SH3RF1: variants seen among roughly 807,000 people sequenced by gnomAD.
SH3RF1 encodes SH3 domain containing ring finger 1.
SH3RF1 carries 32 observed loss-of-function variants against 74.0 expected under a neutral mutation model. The observed-to-expected ratio is 0.43, with a 90% CI of 0.33 to 0.58. The LOEUF is 0.58. SH3RF1 is among the 20% of genes least tolerant of loss of function. The pLI, the probability that SH3RF1 is intolerant of heterozygous loss-of-function variation, is 0.05. For synonymous variants in SH3RF1, 396 were observed against 439.6 expected (o/e 0.90, Z 1.24); for missense variants, 954 against 1,130.9 (o/e 0.84, Z 2.24).
Position 169,269,194 on chromosome 4 carries a change from A to G in SH3RF1, c.19T>C (p.Leu7=). The G allele has an allele frequency of 6.3e-7, 1 of 1,588,788 alleles. No individual in the cohort carries two copies. The highest frequency in any genetic ancestry group is 1.3e-5 in the African/African-American group (1 of 74,392). Residue 7 remains leucine, a synonymous_variant, in exon 2 of 12, where the codon TTG becomes CTG. Transcript: ENST00000284637. ...CACACCGGACACTCCAAAAGATCCA[A>G]CAAGGCTGATTCATCCATCTTTATC... MDESAL[L]DLLECPVCLE... is the part of the protein sequence containing the mutation.
rs1731339274 is a variant in SH3RF1 at position 169,265,568 on chromosome 4, G to A, written c.393+3252C>T. Among the ~76,000 whole-genome samples, 3 of 152,158 alleles carry A rather than the reference G, an allele frequency of 2.0e-5. No homozygotes were observed. The South Asian group carries it at 6.2e-4, about 31-fold the overall frequency. On this transcript the variant is annotated intron_variant, in intron 2 of 11. Transcript: ENST00000284637. Reference sequence around the variant, plus strand: ...AGCTCACTGTAAACTCTGCCTCCCAGGTTCAAGCGATTCTCCAGCCTTGGC... The same window carrying A: ...AGCTCACTGTAAACTCTGCCTCCCAAGTTCAAGCGATTCTCCAGCCTTGGC...
chr4:169,097,513 C>T (rs1228491891), intron 11 of SH3RF1, among the ~76,000 whole-genome samples: 1 of 152,198 alleles, frequency 6.6e-6, no homozygotes. Context: ...GTGCCCCTGC[C>T]TCCATGCTCC....
chr4:169,226,390 A>C (rs1427227617), intron 2 of SH3RF1, among the ~76,000 whole-genome samples: 1 of 152,210 alleles, frequency 6.6e-6, no homozygotes, highest in Admixed American at 6.5e-5. Flanking sequence ...CTACATATCA[A>C]GGTTTTCCTG....
rs1183782068 is a variant in SH3RF1 at position 169,269,020 on chromosome 4, T to C, written c.193A>G (p.Ser65Gly). 2 of 1,614,190 alleles carry C rather than the reference T, an allele frequency of 1.2e-6. No individual in the cohort carries two copies. Among genetic ancestry groups the C allele is most frequent in the Non-Finnish European group, 1.7e-6 (2 of 1,180,038 alleles). The change falls in exon 2 of 12, where the codon AGT (serine) becomes GGT (glycine). Residue 65 changes from serine to glycine, a missense_variant. By Grantham distance (56) the Ser-to-Gly change is moderately conservative (BLOSUM62 0). Transcript: ENST00000284637. ...AGAAGTCTGACCAGCAAGATGTTAC[T>C]GGGAAGCTCCTCGACACCCGAGCCA... ...LVGSGVEELP[S>G]NILLVRLLDG... is the part of the protein sequence containing the mutation.
At chr4:169,200,106 G>A (rs12510701) in intron 2 of SH3RF1, among the ~76,000 whole-genome samples, 71,274 of 151,838 alleles carry the variant, frequency 0.47, 17,991 homozygotes, top group East Asian at 0.78. Flanking sequence ...TAACAGGAAA[G>A]TATACTAATT....
chr4:169,140,390 C>A (rs1420178885), intron 4 of SH3RF1, among the ~76,000 whole-genome samples: 1 of 152,116 alleles, frequency 6.6e-6, no homozygotes, highest in East Asian at 1.9e-4. Context: ...AAATTTGTAT[C>A]CTAAAATACC....
At chr4:169,161,560 C>T (rs1384495441) in intron 2 of SH3RF1, among the ~76,000 whole-genome samples, 1 of 152,156 alleles carries the variant, frequency 6.6e-6, no homozygotes, top group Non-Finnish European at 1.5e-5. Context: ...ATTTTATAGA[C>T]TCTAAATGCC....
intron 10 of SH3RF1, among the ~76,000 whole-genome samples, chr4:169,114,466 A>G (rs2126941957): frequency 6.6e-6 from 1 of 152,320 alleles, no homozygotes; most frequent in Non-Finnish European, 1.5e-5. Context: ...CATGTAATGA[A>G]ACATCTTTAA....
At chr4:169,263,127 A>T (rs902756854) in intron 2 of SH3RF1, among the ~76,000 whole-genome samples, 4 of 152,176 alleles carry the variant, frequency 2.6e-5, no homozygotes, top group Non-Finnish European at 4.4e-5. Context: ...CCCCATCCCC[A>T]TCTGTGCGAA....
intron 4 of SH3RF1, 56 bp from the exon 5 acceptor site, chr4:169,136,676 C>T (rs1045225582): frequency 3.5e-6 from 5 of 1,446,126 alleles, no homozygotes; most frequent in Admixed American, 5.3e-5. Flanking sequence ...CTAAGAATTC[C>T]CTGAGGTTTA....
chr4:169,136,645 C>A, intron 4 of SH3RF1, 25 bp from the exon 5 acceptor site: 1 of 1,475,558 alleles, frequency 6.8e-7, no homozygotes, highest in Non-Finnish European at 9.0e-7. Flanking sequence ...AACAAACCAA[C>A]ACAAGAAGGT....
intron 2 of SH3RF1, among the ~76,000 whole-genome samples, chr4:169,213,107 C>A (rs116651866): frequency 1.3e-5 from 2 of 152,160 alleles, no homozygotes; most frequent in Non-Finnish European, 2.9e-5. Flanking sequence ...TAAGAGACTG[C>A]CAAATTGTCT....
rs565055930 is a variant in SH3RF1 at position 169,105,959 on chromosome 4, C to A, written c.2498+888G>T. On this transcript the variant is annotated intron_variant, in intron 11 of 11. Coordinates refer to ENST00000284637, the MANE Select transcript of SH3RF1 (RefSeq NM_020870.4). ...TTGTCCAACCCGTGGGCATGCAGTG[C>A]AACACAAAATTCATAAACTTTCTTA... is the stretch of plus-strand genomic sequence containing the variant. Among the ~76,000 whole-genome samples the A allele has an allele frequency of 3.3e-5, 5 of 152,046 alleles. No homozygotes were observed. The East Asian group carries it at 9.6e-4, about 29-fold the overall frequency.
At chr4:169,220,046 T>G (rs1190283796) in intron 2 of SH3RF1, 1 of 152,064 alleles carries the variant, frequency 6.6e-6, no homozygotes, top group Non-Finnish European at 1.5e-5. Flanking sequence ...GAAATGTGGG[T>G]TTTGCTGCAA....
At chr4:169,230,855 CA>C (rs35156191) in intron 2 of SH3RF1, among the ~76,000 whole-genome samples, 40,443 of 121,578 alleles carry the variant, frequency 0.33, 5,749 homozygotes, top group Non-Finnish European at 0.39. Context: ...GAAACCACCT[CA>C]AAAAAAAAAA....
chr4:169,172,725 AGACTGACATTT>A (rs1734352346), intron 2 of SH3RF1, among the ~76,000 whole-genome samples: 1 of 152,132 alleles, frequency 6.6e-6, no homozygotes, highest in Admixed American at 6.5e-5. Flanking sequence ...TTGCCAGAGG[AGACTGACATTT>A]GACTGACATT....
At chr4:169,205,675 T>C (rs1730244026) in intron 2 of SH3RF1, among the ~76,000 whole-genome samples, 1 of 152,162 alleles carries the variant, frequency 6.6e-6, no homozygotes. Flanking sequence ...GCCCAATGAA[T>C]GACGTTAGCA....
At position 169,100,574 on chromosome 4, in the gene SH3RF1, T is replaced by C. The variant is rs1733003410; in HGVS notation, c.2499-3887A>G. Among the ~76,000 whole-genome samples the C allele has an allele frequency of 2.0e-5, 3 of 152,156 alleles. No individual in the cohort carries two copies. In the South Asian group the frequency reaches 6.2e-4, roughly 32 times the overall value. On this transcript the variant is annotated intron_variant, in intron 11 of 11. Coordinates refer to ENST00000284637, the MANE Select transcript of SH3RF1 (RefSeq NM_020870.4). ...CCAGGCTGGTCTCTAACTCCTGACC[T>C]GGTGATCCACCCACCTTGGCCTCCT...
At chr4:169,151,644 T>C (rs1361543538) in intron 4 of SH3RF1, among the ~76,000 whole-genome samples, 1 of 152,206 alleles carries the variant, frequency 6.6e-6, no homozygotes, top group East Asian at 1.9e-4. Flanking sequence ...CCCTTGTTTC[T>C]AGCAGTAACT....
Sources: gnomAD v4.1 joint callset for allele counts (sites outside exome capture counted in the v4.1 genomes callset) on GRCh38, gnomAD v4.1.1 for gene constraint, MANE v1.5 for transcripts, NCBI Gene and HGNC (gene_info 2026-07-23, HGNC 2026-07-21) for gene names.